The following OR2L13 variants were observed in gnomAD, a reference collection of about 807,000 sequenced individuals.
OR2L13 encodes olfactory receptor 2L13.
OR2L13 carries 14 observed loss-of-function variants against 15.3 expected under a neutral mutation model. The ratio of observed to expected loss-of-function variants is 0.91; its 90% CI spans 0.60 to 1.43. OR2L13 has a LOEUF of 1.43. Among genes scored for constraint, OR2L13 ranks in the 40% most tolerant of loss-of-function variants. The pLI is 0.00. For missense variants in OR2L13, 367 were observed against 387.9 expected (o/e 0.95, Z 0.45); for synonymous variants, 152 against 142.9 (o/e 1.06, Z -0.45).
the OR2L13 span, among the ~76,000 whole-genome samples, chr1:248,073,514 A>G: frequency 1.3e-5 from 2 of 152,096 alleles, no homozygotes; most frequent in Non-Finnish European, 2.9e-5. Flanking sequence ...ATTAGGAGAT[A>G]TACCTAATGC....
chr1:247,992,402 T>A, the OR2L13 span, among the ~76,000 whole-genome samples: 1 of 152,328 alleles, frequency 6.6e-6, no homozygotes, highest in African/African-American at 2.4e-5. Context: ...TTTCAACGTC[T>A]ATTTTAGGTA....
At chr1:247,961,072 T>G in the OR2L13 span, among the ~76,000 whole-genome samples, 1 of 152,212 alleles carries the variant, frequency 6.6e-6, no homozygotes, top group Non-Finnish European at 1.5e-5. Flanking sequence ...TATTCGGCCA[T>G]CTTGGCTCCA....
the OR2L13 span, among the ~76,000 whole-genome samples, chr1:248,027,698 A>G: frequency 1.3e-5 from 2 of 152,156 alleles, no homozygotes; most frequent in Admixed American, 1.3e-4. Flanking sequence ...TAAACAGAAT[A>G]CAAAGAAACA....
the OR2L13 span, among the ~76,000 whole-genome samples, chr1:248,031,047 A>G: frequency 0.01 from 1,536 of 152,340 alleles, 77 homozygotes; most frequent in Admixed American, 0.081. Flanking sequence ...ATGTTTTTAA[A>G]TAGGCTTAAA....
the OR2L13 span, among the ~76,000 whole-genome samples, chr1:248,014,158 T>G: frequency 6.6e-6 from 1 of 152,136 alleles, no homozygotes; most frequent in African/African-American, 2.4e-5. Flanking sequence ...TATATGATGC[T>G]TATAATAATC....
the OR2L13 span, among the ~76,000 whole-genome samples, chr1:247,981,380 A>T: frequency 1.3e-5 from 2 of 152,206 alleles, no homozygotes; most frequent in Non-Finnish European, 2.9e-5. Flanking sequence ...TATATTTTTT[A>T]AAATAAAGGA....
At chr1:248,022,539 G>A in the OR2L13 span, 1 of 1,614,194 alleles carries the variant, frequency 6.2e-7, no homozygotes, top group Non-Finnish European at 8.5e-7. Context: ...TGAGTACACA[G>A]TGTTTTTGAG....
At chr1:248,038,439 A>G in the OR2L13 span, 10 of 1,613,756 alleles carry the variant, frequency 6.2e-6, no homozygotes, top group East Asian at 2.2e-5. Context: ...CCACACACCT[A>G]TGTATTTCCT....
the OR2L13 span, among the ~76,000 whole-genome samples, chr1:247,999,461 C>T: frequency 2.6e-5 from 4 of 152,278 alleles, no homozygotes; most frequent in East Asian, 7.7e-4. Context: ...ATTCTTTACT[C>T]CTTTACACCT....
chr1:247,960,354 G>T, the OR2L13 span, among the ~76,000 whole-genome samples: 1 of 152,166 alleles, frequency 6.6e-6, no homozygotes, highest in Non-Finnish European at 1.5e-5. Flanking sequence ...ACCCCTACTG[G>T]GGGGTGCCTC....
chr1:248,036,642 G>A, the OR2L13 span, among the ~76,000 whole-genome samples: 1 of 151,982 alleles, frequency 6.6e-6, no homozygotes, highest in Non-Finnish European at 1.5e-5. Context: ...TAATTTTCAA[G>A]CCTAAAAACT....
chr1:248,044,672 G>A, the OR2L13 span, among the ~76,000 whole-genome samples: 6 of 117,388 alleles, frequency 5.1e-5, no homozygotes, highest in Non-Finnish European at 9.4e-5. Context: ...GCGCGGTGGC[G>A]GGCGCCTGTA....
At chr1:248,019,526 A>C in the OR2L13 span, among the ~76,000 whole-genome samples, 1 of 152,166 alleles carries the variant, frequency 6.6e-6, no homozygotes, top group Middle Eastern at 3.2e-3. Context: ...TCTTTGATTT[A>C]GTTTGAATTA....
the OR2L13 span, among the ~76,000 whole-genome samples, chr1:247,977,350 C>A: frequency 1.3e-5 from 2 of 152,126 alleles, no homozygotes; most frequent in South Asian, 2.1e-4. Flanking sequence ...AAAATGAAAT[C>A]TTTTCTATAT....
At chr1:248,006,390 C>T in the OR2L13 span, among the ~76,000 whole-genome samples, 1 of 151,930 alleles carries the variant, frequency 6.6e-6, no homozygotes, top group East Asian at 1.9e-4. Flanking sequence ...TTCTGCCAAC[C>T]TCTCCAGTTC....
chr1:248,094,106 G>A (rs1290250551), upstream of OR2L13, among the ~76,000 whole-genome samples: 1 of 151,994 alleles, frequency 6.6e-6, no homozygotes, highest in Admixed American at 6.6e-5. Context: ...AATGCTTGAG[G>A]TAATAGGTAC....
At chr1:248,004,992 A>G in the OR2L13 span, among the ~76,000 whole-genome samples, 3 of 152,146 alleles carry the variant, frequency 2.0e-5, no homozygotes, top group Non-Finnish European at 2.9e-5. Flanking sequence ...AATAGAGAAT[A>G]GACTGATGGT....
At chr1:248,039,138 C>G in the OR2L13 span, 1 of 1,613,844 alleles carries the variant, frequency 6.2e-7, no homozygotes, top group Non-Finnish European at 8.5e-7. Context: ...CATCTACAGC[C>G]TGAGAAACAA....
chr1:247,965,178 T>A, the OR2L13 span: 1 of 548,496 alleles, frequency 1.8e-6, no homozygotes, highest in Non-Finnish European at 3.0e-6. Flanking sequence ...AAAATTTGCA[T>A]CCCAGTAACA....
Sources: gnomAD v4.1 joint callset for allele counts (sites outside exome capture counted in the v4.1 genomes callset) on GRCh38, gnomAD v4.1.1 for gene constraint, MANE v1.5 for transcripts, NCBI Gene and HGNC (gene_info 2026-07-23, HGNC 2026-07-21) for gene names.